VPS13C: variants seen among roughly 807,000 people sequenced by gnomAD.
VPS13C encodes intermembrane lipid transfer protein VPS13C.
Under a neutral mutation model 456.8 loss-of-function variants are expected in VPS13C, and 358 were observed. The observed-to-expected ratio is 0.78, with a 90% CI of 0.72 to 0.86. VPS13C has a LOEUF of 0.86. VPS13C is among the 40% of genes least tolerant of loss of function. The probability of loss-of-function intolerance (pLI) is 0.00; values close to 1 mark genes in which losing one functional copy is unlikely to be tolerated. For synonymous variants in VPS13C, 1,578 were observed against 1,486.7 expected (o/e 1.06, Z -1.41); for missense variants, 4,818 against 4,385.4 (o/e 1.10, Z -2.79).
In VPS13C at chr15:62,043,184, G is replaced by A. The variant is rs558525086; in HGVS notation, c.144+1028C>T. On this transcript the variant is annotated intron_variant, in intron 2 of 84. Coordinates refer to ENST00000644861, the MANE Select transcript of VPS13C (RefSeq NM_020821.3). ...AAAAGAGAAAAATATTTAAATTTTT[G>A]AGCACCTACTAAGTGCCAGGCTCTA... Among the ~76,000 whole-genome samples, 3 of 152,132 alleles carry A rather than the reference G, an allele frequency of 2.0e-5. No individual in the cohort carries two copies. In the East Asian group the frequency reaches 5.8e-4, roughly 29 times the overall value.
chr15:61,970,849 G>A (rs376042291), intron 27 of VPS13C, among the ~76,000 whole-genome samples: 38 of 127,278 alleles, frequency 3.0e-4, no homozygotes, highest in African/African-American at 1.0e-3. Flanking sequence ...ACAAATACCT[G>A]AAGTTAGTTT....
At chr15:62,027,703 C>A (rs2047682092) in intron 6 of VPS13C, among the ~76,000 whole-genome samples, 1 of 151,942 alleles carries the variant, frequency 6.6e-6, no homozygotes, top group African/African-American at 2.4e-5. Context: ...TAAAGTTTAA[C>A]AAATAAGATT....
At chr15:61,887,010 T>A (rs1896318506) in intron 67 of VPS13C, among the ~76,000 whole-genome samples, 1 of 152,154 alleles carries the variant, frequency 6.6e-6, no homozygotes, top group Non-Finnish European at 1.5e-5. Flanking sequence ...AGGCAAGTAT[T>A]TCCACTCTCA....
intron 66 of VPS13C, among the ~76,000 whole-genome samples, chr15:61,892,479 CCAAAGGCAACTG>C (rs934073064): frequency 6.6e-6 from 1 of 152,044 alleles, no homozygotes; most frequent in Non-Finnish European, 1.5e-5. Flanking sequence ...TAAAGGGGAC[CCAAAGGCAACTG>C]CAAAGGACCT....
intron 67 of VPS13C, among the ~76,000 whole-genome samples, chr15:61,885,543 C>A (rs145330512): frequency 6.6e-6 from 1 of 152,018 alleles, no homozygotes; most frequent in Non-Finnish European, 1.5e-5. Context: ...TTCTACTTCT[C>A]GTGAAAATTC....
At chr15:61,927,377 T>A in intron 51 of VPS13C, 57 bp from the exon 52 acceptor site, 1 of 1,355,590 alleles carries the variant, frequency 7.4e-7, no homozygotes, top group Non-Finnish European at 1.0e-6. Flanking sequence ...TTCATTTGAC[T>A]ACATGTTATC....
At chr15:62,044,352 G>A (rs536233274) in intron 1 of VPS13C, 97 bp from the exon 2 acceptor site, 1 of 696,456 alleles carries the variant, frequency 1.4e-6, no homozygotes, top group Admixed American at 3.6e-5. Context: ...TGGGCTAAGT[G>A]CTAAGAATAC....
chr15:61,939,204 G>C (rs2044331245), intron 47 of VPS13C, among the ~76,000 whole-genome samples: 1 of 152,142 alleles, frequency 6.6e-6, no homozygotes, highest in Non-Finnish European at 1.5e-5. Context: ...TCAGATATTA[G>C]TCCTGGGATC....
chr15:61,953,026 C>T (rs1017906914), intron 38 of VPS13C, among the ~76,000 whole-genome samples: 4 of 151,994 alleles, frequency 2.6e-5, no homozygotes, highest in African/African-American at 9.7e-5. Flanking sequence ...AACCAGCCTA[C>T]TTAAAACTTT....
At chr15:61,916,703 T>C (rs1042622034) in intron 60 of VPS13C, among the ~76,000 whole-genome samples, 16 of 152,216 alleles carry the variant, frequency 1.1e-4, no homozygotes, top group African/African-American at 3.8e-4. Context: ...TTTTAAAATA[T>C]ACTGCCATAC....
chr15:62,013,832 C>T lies in VPS13C; in HGVS notation c.744+101G>A, dbSNP rs1159554480. Reference sequence around the variant, plus strand: ...CCAAAACTAGACCCTAGACTTTTAACTCACACTCCAATGGCATATTCTGCT... The same window carrying T: ...CCAAAACTAGACCCTAGACTTTTAATTCACACTCCAATGGCATATTCTGCT... On this transcript the variant is annotated intron_variant, in intron 10 of 84. Transcript: ENST00000644861. The T allele has an allele frequency of 7.0e-6, 6 of 852,944 alleles. No individual in the cohort carries two copies. In the East Asian group the frequency reaches 1.5e-4, roughly 22 times the overall value. 52.8% of individuals were successfully genotyped at this position (852,944 alleles called of 1,614,324 possible). A position where few individuals can be genotyped will look rare whatever the true frequency, so the allele number is the denominator to read the frequency against.
intron 67 of VPS13C, among the ~76,000 whole-genome samples, chr15:61,885,698 T>G (rs1345003325): frequency 1.3e-5 from 2 of 152,168 alleles, no homozygotes; most frequent in Non-Finnish European, 2.9e-5. Context: ...GCTTTACATT[T>G]TCACTAGCTT....
chr15:61,981,423 C>CT lies in VPS13C; in HGVS notation c.2084dup (p.Pro696AlafsTer14). 6.2e-7 allele frequency: 1 copy of CT among 1,612,338 alleles called. No individual in the cohort carries two copies. Among genetic ancestry groups the CT allele is most frequent in the Non-Finnish European group, 8.5e-7 (1 of 1,179,382 alleles). On this transcript the variant is annotated frameshift_variant, in exon 22 of 85. Transcript: ENST00000644861. LOFTEE classifies it high-confidence loss of function. ...TCTGTGGAACTACTAGATAAGAAGGCTTCAGATTTATCCTTAAATCAAGGA... is the reference window on the plus strand; with the variant it reads ...TCTGTGGAACTACTAGATAAGAAGGCTTTCAGATTTATCCTTAAATCAAGGA...
intron 81 of VPS13C, chr15:61,864,899 T>C (rs1198737753): frequency 1.1e-5 from 11 of 972,840 alleles, no homozygotes; most frequent in Non-Finnish European, 1.2e-5. Flanking sequence ...TGTTAAAATA[T>C]TTAGATCTGA....
chr15:61,889,926 C>T (rs1362270635), intron 67 of VPS13C, among the ~76,000 whole-genome samples: 5 of 151,972 alleles, frequency 3.3e-5, no homozygotes, highest in African/African-American at 1.2e-4. Context: ...AAGAAACAAA[C>T]CACTTTTTCC....
intron 9 of VPS13C, among the ~76,000 whole-genome samples, chr15:62,014,614 G>A (rs925375334): frequency 3.3e-5 from 5 of 152,070 alleles, no homozygotes; most frequent in African/African-American, 1.2e-4. Context: ...AAAGAGGTAG[G>A]TTTACTATTG....
At position 62,007,339 on chromosome 15, in the gene VPS13C, T is replaced by G. The variant is rs745403600; in HGVS notation, c.1259A>C (p.Lys420Thr). 1 of 1,611,024 alleles carries G rather than the reference T, an allele frequency of 6.2e-7. No individual in the cohort carries two copies. Among genetic ancestry groups the G allele is most frequent in the Non-Finnish European group, 8.5e-7 (1 of 1,178,956 alleles). Residue 420 changes from lysine (K) to threonine (T), a missense_variant, in exon 15 of 85, where the codon AAA (lysine) becomes ACA (threonine). This residue lies in a region of VPS13C where 4,552 missense variants were observed against 4,130.6 expected (regional missense o/e 1.10). Coordinates refer to ENST00000644861, the MANE Select transcript of VPS13C (RefSeq NM_020821.3). ...IAYKNKLTQS[K>T]VSEEIQKEIQ... ...TTCTTTCTGTATTTCTTCTGAGACTTTAGACTGTGTTAACTTGTTTTTGTA... is the reference window on the plus strand; with the variant it reads ...TTCTTTCTGTATTTCTTCTGAGACTGTAGACTGTGTTAACTTGTTTTTGTA...
At chr15:62,014,291 T>C (rs2047149972) in intron 9 of VPS13C, among the ~76,000 whole-genome samples, 1 of 152,102 alleles carries the variant, frequency 6.6e-6, no homozygotes, top group African/African-American at 2.4e-5. Context: ...GCCTATACAC[T>C]ATTGAATATG....
chr15:61,992,046 G>C (rs1018680411), intron 16 of VPS13C, among the ~76,000 whole-genome samples: 1 of 152,096 alleles, frequency 6.6e-6, no homozygotes, highest in Non-Finnish European at 1.5e-5. Flanking sequence ...GAGCAATATA[G>C]TTAAGGTTTC....
Sources: allele counts gnomAD v4.1 joint callset (sites outside exome capture counted in the v4.1 genomes callset), GRCh38; gene constraint gnomAD v4.1.1; regional missense constraint gnomAD v4.1.1; transcripts MANE v1.5; gene names NCBI Gene and HGNC (gene_info 2026-07-23, HGNC 2026-07-21).